Variants in CLDN7 observed in about 807,000 individuals in gnomAD.
CLDN7 encodes the protein claudin 7.
Under a neutral mutation model 20.3 loss-of-function variants are expected in CLDN7, and 15 were observed. That is an observed-to-expected ratio of 0.74 (90% CI 0.49 to 1.14). The LOEUF is 1.14. Among genes scored for constraint, CLDN7 ranks in the 50% most tolerant of loss-of-function variants. The pLI is 0.00. For missense variants in CLDN7, 261 were observed against 274.2 expected, an observed-to-expected ratio of 0.95 and a Z score of 0.34; for synonymous variants, 117 against 106.1, an observed-to-expected ratio of 1.10 and a Z score of -0.63.
intron 1 of CLDN7, 118 bp from the exon 2 acceptor site, chr17:7,261,103 G>T: frequency 7.2e-7 from 1 of 1,382,740 alleles, no homozygotes; most frequent in Non-Finnish European, 9.6e-7. Context: ...GTGTTCTGCC[G>T]AGGGCCAGGG....
At chr17:7,260,774 C>T (rs1301934719) in intron 2 of CLDN7, 47 bp downstream of exon 2, 3 of 1,614,236 alleles carry the variant, frequency 1.9e-6, no homozygotes, top group Non-Finnish European at 2.5e-6. Flanking sequence ...CAAATGGGCG[C>T]CTTGCCCAGC....
upstream of CLDN7, chr17:7,262,966 C>A: frequency 6.3e-6 from 1 of 158,474 alleles, no homozygotes. This position sits in a 1 kb window ranked among gnomAD's most constrained non-coding sequence, Gnocchi z 6.6. Context: ...CCTGGTCGAT[C>A]CCACCTTCGG....
chr17:7,260,571 G>A (rs367911021), intron 3 of CLDN7, 35 bp from the exon 4 acceptor site: 8 of 1,612,106 alleles, frequency 5.0e-6, no homozygotes, highest in African/African-American at 4.0e-5. Flanking sequence ...AAACCCTGGC[G>A]TGCCTCTGCC....
chr17:7,262,514 TCGGGGGCGCGGCCCGCGCGCCC>T (rs890779433), upstream of CLDN7: 6 of 627,824 alleles, frequency 9.6e-6, no homozygotes, highest in South Asian at 6.9e-5. The surrounding 1 kb of genome is among the most constrained non-coding windows in gnomAD (Gnocchi z 6.6). Context: ...ATGTAGGGCG[TCGGGGGCGCGGCCCGCGCGCCC>T]CGGGAGCGCG....
At chr17:7,261,010 G>A (rs1254600212) in intron 1 of CLDN7, 25 bp from the exon 2 acceptor site, 3 of 1,591,492 alleles carry the variant, frequency 1.9e-6, no homozygotes, top group Non-Finnish European at 2.6e-6. Context: ...AAAGGGCGCC[G>A]TCATTGCTGG....
rs1205196104 is a variant in CLDN7, at chr17:7,261,943, G to C, written c.101C>G (p.Ser34Cys). The change falls in exon 1 of 4, where the codon TCC (serine) becomes TGC (cysteine). Residue 34 changes from serine (S) to cysteine (C), a missense_variant. Around this residue, in one of 2 missense-constraint regions of CLDN7, gnomAD observed 46 missense variants for 74.6 expected, o/e 0.62. Transcript: ENST00000360325. ...CGTGATGATGTTGTCACCCGCATAGGAGCTCATCTGCCACTGCGGGATGGC... is the reference window on the plus strand; with the variant it reads ...CGTGATGATGTTGTCACCCGCATAGCAGCTCATCTGCCACTGCGGGATGGC... ...CTAIPQWQMS[S>C]YAGDNIITAQ... 1 of 1,614,144 alleles carries C rather than the reference G, an allele frequency of 6.2e-7. No homozygotes were observed.
chr17:7,262,528 C>T (rs2143002546), upstream of CLDN7: 2 of 500,340 alleles, frequency 4.0e-6, no homozygotes, highest in South Asian at 8.4e-5. The surrounding 1 kb of genome is among the most constrained non-coding windows in gnomAD (Gnocchi z 6.6). Flanking sequence ...GGGCGCGGCC[C>T]GCGCGCCCCG....
rs1340093161 is a variant in CLDN7, at chr17:7,261,911, C to T, written c.133G>A (p.Ala45Thr). The T allele has an allele frequency of 6.2e-7, 1 of 1,614,172 alleles. No individual in the cohort carries two copies. Among genetic ancestry groups the T allele is most frequent in the Non-Finnish European group, 8.5e-7 (1 of 1,180,036 alleles). The change falls in exon 1 of 4, where the codon GCC becomes ACC. Residue 45 changes from alanine (A) to threonine (T), a missense_variant. Physicochemically the swap from Ala to Thr is moderately conservative, Grantham distance 58 (BLOSUM62 0). Transcript: ENST00000360325. ...TCCATCCACAGCCCCTTGTACATGG[C>T]CTGGGCCGTGATGATGTTGTCACCC... is the stretch of plus-strand genomic sequence containing the variant. ...YAGDNIITAQ[A>T]MYKGLWMDCV...
chr17:7,262,375 G>A lies in CLDN7; in HGVS notation c.-332C>T. ...AAACAAAAGGTGGAGGGGCCGTCTG[G>A]GCGCGTTTCTGAGCGCCGGCAAGTC... On this transcript the variant is annotated 5_prime_UTR_variant, in exon 1 of 4. Coordinates refer to ENST00000360325, the MANE Select transcript of CLDN7 (RefSeq NM_001307.6). This position sits in a 1 kb window ranked among gnomAD's most constrained non-coding sequence, Gnocchi z 6.6. 1 of 1,212,368 alleles carries A rather than the reference G, an allele frequency of 8.2e-7. No individual in the cohort carries two copies. Among genetic ancestry groups the A allele is most frequent in the Non-Finnish European group, 1.0e-6 (1 of 964,598 alleles). The allele number at this position is 1,212,368 out of a possible 1,614,324, so 75.1% of individuals were successfully genotyped here. A position where few individuals can be genotyped will look rare whatever the true frequency, so the allele number is the denominator to read the frequency against.
In CLDN7 at chr17:7,261,044, G is replaced by T. The variant is rs539414705; in HGVS notation, c.224-59C>A. On this transcript the variant is annotated intron_variant, in intron 1 of 3. Transcript: ENST00000360325. ...GGAAATGCAGGCGGCTCCAGCCTTC[G>T]TGCCGCCGGCCGCGCCCACTAACCG... is the stretch of plus-strand genomic sequence containing the variant. The T allele has an allele frequency of 2.9e-4, 453 of 1,536,244 alleles. 5 individuals carry two copies. In the African/African-American group the frequency reaches 5.5e-3, roughly 19 times the overall value.
Position 7,260,247 on chromosome 17 carries a change from G to T in CLDN7, c.*127C>A, listed in dbSNP as rs1157045535. ...CCAACCCAAGAGGACTATACATGGA[G>T]TGCAGGGACAGAGTGACCAGGAGGC... is the stretch of plus-strand genomic sequence containing the variant. On this transcript the variant is annotated 3_prime_UTR_variant, in exon 4 of 4. Transcript: ENST00000360325. The T allele has an allele frequency of 2.1e-6, 2 of 934,182 alleles. No homozygotes were observed. Among genetic ancestry groups the T allele is most frequent in the Non-Finnish European group, 3.2e-6 (2 of 629,752 alleles). The allele number at this position is 934,182 out of a possible 1,614,324, so 57.9% of individuals were successfully genotyped here. A position where few individuals can be genotyped will look rare whatever the true frequency, so the allele number is the denominator to read the frequency against.
In CLDN7 at chr17:7,260,248, T is replaced by G. The variant is rs539027720; in HGVS notation, c.*126A>C. 1.1e-4 allele frequency: 93 copies of G among 885,322 alleles called. No homozygotes were observed. The highest frequency in any genetic ancestry group is 1.3e-4 in the Non-Finnish European group (80 of 601,002). 54.8% of individuals were successfully genotyped at this position (885,322 alleles called of 1,614,324 possible). A position where few individuals can be genotyped will look rare whatever the true frequency, so the allele number is the denominator to read the frequency against. On this transcript the variant is annotated 3_prime_UTR_variant, in exon 4 of 4. Coordinates refer to ENST00000360325, the MANE Select transcript of CLDN7 (RefSeq NM_001307.6). Reference sequence around the variant, plus strand: ...CAACCCAAGAGGACTATACATGGAGTGCAGGGACAGAGTGACCAGGAGGCC... The same window carrying G: ...CAACCCAAGAGGACTATACATGGAGGGCAGGGACAGAGTGACCAGGAGGCC...
chr17:7,262,552 G>A, upstream of CLDN7: 1 of 266,706 alleles, frequency 3.7e-6, no homozygotes, highest in Non-Finnish European at 5.8e-6. The surrounding 1 kb of genome is among the most constrained non-coding windows in gnomAD (Gnocchi z 6.6). Flanking sequence ...GCGCGGGAGG[G>A]GGAGGCGGGA....
Position 7,262,364 on chromosome 17 carries a change from G to T in CLDN7, c.-321C>A, listed in dbSNP as rs2072240127. On this transcript the variant is annotated 5_prime_UTR_variant, in exon 1 of 4. Coordinates refer to ENST00000360325, the MANE Select transcript of CLDN7 (RefSeq NM_001307.6). This position sits in a 1 kb window ranked among gnomAD's most constrained non-coding sequence, Gnocchi z 6.6. ...CGACCCTAGGCAAACAAAAGGTGGA[G>T]GGGCCGTCTGGGCGCGTTTCTGAGC... The T allele has an allele frequency of 8.1e-7, 1 of 1,228,838 alleles. No individual in the cohort carries two copies. Among genetic ancestry groups the T allele is most frequent in the African/African-American group, 1.5e-5 (1 of 64,722 alleles). The allele number at this position is 1,228,838 out of a possible 1,614,324, so 76.1% of individuals were successfully genotyped here.
chr17:7,261,858 C>T lies in CLDN7; in HGVS notation c.186G>A (p.Met62Ile), dbSNP rs374173666. 1.7e-5 allele frequency: 27 copies of T among 1,614,076 alleles called. No homozygotes were observed. The highest frequency in any genetic ancestry group is 2.2e-5 in the East Asian group (1 of 44,886). ...MDCVTQSTGM[M>I]SCKMYDSVLA... is the part of the protein sequence containing the mutation. ...GCACCGAGTCGTACATTTTGCAGCTCATCATCCCCGTGCTCTGCGTGACGC... is the reference window on the plus strand; with the variant it reads ...GCACCGAGTCGTACATTTTGCAGCTTATCATCCCCGTGCTCTGCGTGACGC... The change falls in exon 1 of 4, where the codon ATG becomes ATA. Residue 62 changes from methionine (M) to isoleucine (I), a missense_variant. By Grantham distance (10) the Met-to-Ile change is conservative. Around this residue, in one of 2 missense-constraint regions of CLDN7, gnomAD observed 215 missense variants for 199.6 expected, o/e 1.08. Transcript: ENST00000360325.
chr17:7,261,488 G>T (rs1258375746), intron 1 of CLDN7, among the ~76,000 whole-genome samples: 1 of 152,148 alleles, frequency 6.6e-6, no homozygotes, highest in Non-Finnish European at 1.5e-5. Flanking sequence ...GGCCGTTTCT[G>T]TCTGAGAAAA....
Position 7,260,405 on chromosome 17 carries a change from G to A in CLDN7, c.605C>T (p.Pro202Leu), listed in dbSNP as rs200825966. The A allele has an allele frequency of 4.3e-6, 7 of 1,612,742 alleles. No individual in the cohort carries two copies. In the East Asian group the frequency reaches 1.3e-4, roughly 31 times the overall value. The change falls in exon 4 of 4, where the codon CCT becomes CTT. Residue 202 changes from proline (P) to leucine (L), a missense_variant. Physicochemically the swap from Pro to Leu is moderately conservative, Grantham distance 98. Coordinates refer to ENST00000360325, the MANE Select transcript of CLDN7 (RefSeq NM_001307.6). ...KAGYRVPRSY[P>L]KSNSSKEYV ...ATACTCCTTGGAAGAGTTGGACTTA[G>A]GGTAAGAGCGGGGTACACGGTACCC...
At chr17:7,261,640 T>C (rs1191056405) in intron 1 of CLDN7, among the ~76,000 whole-genome samples, 181 bp downstream of exon 1, 1 of 151,974 alleles carries the variant, frequency 6.6e-6, no homozygotes, top group Non-Finnish European at 1.5e-5. Context: ...CGCGCCCACG[T>C]GCAGCCGCCG....
In CLDN7 at chr17:7,260,214, C is replaced by T. The variant is rs1376587494; in HGVS notation, c.*160G>A. The T allele has an allele frequency of 5.0e-6, 3 of 599,498 alleles. No homozygotes were observed. In the East Asian group the frequency reaches 1.1e-4, roughly 21 times the overall value. 37.1% of individuals were successfully genotyped at this position (599,498 alleles called of 1,614,324 possible). ...TTTGTCTCTCCCACCAACGGCACCC[C>T]CCCACCCCCAACCCAAGAGGACTAT... On this transcript the variant is annotated 3_prime_UTR_variant, in exon 4 of 4. Coordinates refer to ENST00000360325, the MANE Select transcript of CLDN7 (RefSeq NM_001307.6).
Sources: gnomAD v4.1 joint callset for allele counts (sites outside exome capture counted in the v4.1 genomes callset) on GRCh38, gnomAD v4.1.1 for gene constraint, gnomAD v4.1.1 regional missense constraint, Gnocchi (gnomAD v3.1) non-coding constraint, MANE v1.5 for transcripts, NCBI Gene and HGNC (gene_info 2026-07-23, HGNC 2026-07-21) for gene names.